The following TAFA5 variants were observed in gnomAD, a reference collection of about 807,000 sequenced individuals.
The protein encoded by TAFA5 is chemokine-like protein TAFA-5.
TAFA5 carries 6 observed loss-of-function variants against 15.3 expected under a neutral mutation model. The ratio of observed to expected loss-of-function variants is 0.39; its 90% CI spans 0.21 to 0.77. TAFA5 has a LOEUF of 0.77. Ranked by LOEUF, TAFA5 falls within the 30% of genes least tolerant of loss-of-function variation. The pLI, the probability that TAFA5 is intolerant of heterozygous loss-of-function variation, is 0.41. For missense variants in TAFA5, 161 were observed against 193.1 expected (o/e 0.83, Z 0.98); for synonymous variants, 103 against 80.7 (o/e 1.28, Z -1.48).
intron 3 of TAFA5, among the ~76,000 whole-genome samples, chr22:48,723,544 C>T (rs181897382): frequency 3.0e-4 from 46 of 152,308 alleles, no homozygotes; most frequent in African/African-American, 1.1e-3. Flanking sequence ...CTGTGTGCCT[C>T]CCAGACTGAC....
intron 1 of TAFA5, among the ~76,000 whole-genome samples, chr22:48,588,650 C>T (rs1387487271): frequency 6.6e-6 from 1 of 152,098 alleles, no homozygotes; most frequent in Non-Finnish European, 1.5e-5. Context: ...CGGGGACCTG[C>T]GGGGATGGGG....
At chr22:48,564,364 G>A (rs1923340616) in intron 1 of TAFA5, among the ~76,000 whole-genome samples, 1 of 152,232 alleles carries the variant, frequency 6.6e-6, no homozygotes, top group African/African-American at 2.4e-5. Context: ...CCTGAGTTGG[G>A]ACGAAGGGAC....
intron 2 of TAFA5, among the ~76,000 whole-genome samples, chr22:48,667,104 T>C (rs1012003565): frequency 2.0e-5 from 3 of 151,946 alleles, no homozygotes; most frequent in African/African-American, 4.8e-5. Flanking sequence ...ACCCCGACCC[T>C]CACCCCTCCC....
At chr22:48,664,734 C>T (rs935990219) in intron 2 of TAFA5, among the ~76,000 whole-genome samples, 2 of 152,114 alleles carry the variant, frequency 1.3e-5, no homozygotes, top group African/African-American at 4.8e-5. Context: ...TCCTTTCCCT[C>T]GTTACGTCTG....
chr22:48,604,194 T>A (rs561561654), intron 1 of TAFA5, among the ~76,000 whole-genome samples: 1 of 152,180 alleles, frequency 6.6e-6, no homozygotes, highest in Non-Finnish European at 1.5e-5. Context: ...GCTGGGCCCC[T>A]CTTGGCCACA....
intron 3 of TAFA5, among the ~76,000 whole-genome samples, chr22:48,728,783 T>C (rs2147265618): frequency 6.6e-6 from 1 of 152,314 alleles, no homozygotes; most frequent in African/African-American, 2.4e-5. Context: ...AAAGAAATAT[T>C]AATGAATTTT....
intron 2 of TAFA5, among the ~76,000 whole-genome samples, chr22:48,653,490 G>T (rs1927129266): frequency 6.6e-6 from 1 of 152,214 alleles, no homozygotes; most frequent in South Asian, 2.1e-4. Flanking sequence ...GTTGTTTCAG[G>T]GAGGAGCTGA....
At chr22:48,603,913 G>A (rs1438968915) in intron 1 of TAFA5, among the ~76,000 whole-genome samples, 3 of 152,140 alleles carry the variant, frequency 2.0e-5, no homozygotes, top group African/African-American at 4.8e-5. Flanking sequence ...TGAATGGGGG[G>A]CAGTGGTCAG....
intron 1 of TAFA5, among the ~76,000 whole-genome samples, chr22:48,491,266 A>G (rs1928145110): frequency 6.6e-6 from 1 of 152,148 alleles, no homozygotes; most frequent in Admixed American, 6.5e-5. Flanking sequence ...ATTCCCTAGA[A>G]GATCCCCAAG....
intron 2 of TAFA5, among the ~76,000 whole-genome samples, chr22:48,685,919 C>T (rs1928338302): frequency 6.6e-6 from 1 of 151,908 alleles, no homozygotes; most frequent in South Asian, 2.1e-4. Flanking sequence ...ACACAGGCCC[C>T]ACGTGCGCCC....
At chr22:48,609,314 G>A (rs1054223254) in intron 1 of TAFA5, among the ~76,000 whole-genome samples, 3 of 152,232 alleles carry the variant, frequency 2.0e-5, no homozygotes, top group Admixed American at 1.3e-4. Context: ...AAGTTTCTGA[G>A]TTAAGAGACC....
At position 48,750,107 on chromosome 22, in the gene TAFA5, G is replaced by A. The variant is rs935704204; in HGVS notation, c.*260G>A. On this transcript the variant is annotated 3_prime_UTR_variant, in exon 4 of 4. Coordinates refer to ENST00000402357, the MANE Select transcript of TAFA5 (RefSeq NM_001082967.3). Reference sequence around the variant, plus strand: ...AGCAATACGCAGTCTGTGGGAGCCCGGCCGCGCCCAGCCCCCGCCGACCGT... The same window carrying A: ...AGCAATACGCAGTCTGTGGGAGCCCAGCCGCGCCCAGCCCCCGCCGACCGT... 5 of 538,610 alleles carry A rather than the reference G, an allele frequency of 9.3e-6. No homozygotes were observed. The highest frequency in any genetic ancestry group is 3.4e-5 in the Admixed American group (1 of 29,664). 33.4% of individuals were successfully genotyped at this position (538,610 alleles called of 1,614,324 possible).
chr22:48,644,426 C>T (rs549898981), intron 1 of TAFA5, among the ~76,000 whole-genome samples: 40 of 152,366 alleles, frequency 2.6e-4, no homozygotes, highest in African/African-American at 9.4e-4. Context: ...GCACCTTGGA[C>T]AGCTCCATGC....
At chr22:48,692,915 G>C (rs1424475676) in intron 2 of TAFA5, among the ~76,000 whole-genome samples, 2 of 152,244 alleles carry the variant, frequency 1.3e-5, no homozygotes, top group Non-Finnish European at 2.9e-5. Context: ...GGCCACCTCA[G>C]GGATGGGGCA....
At chr22:48,585,856 C>G (rs1924337998) in intron 1 of TAFA5, among the ~76,000 whole-genome samples, 1 of 152,176 alleles carries the variant, frequency 6.6e-6, no homozygotes, top group South Asian at 2.1e-4. Context: ...CCAAGACACA[C>G]ACACACAAAC....
Position 48,692,614 on chromosome 22 carries a change from G to A in TAFA5, c.263-15103G>A, listed in dbSNP as rs745335146. On this transcript the variant is annotated intron_variant, in intron 2 of 3. Coordinates refer to ENST00000402357, the MANE Select transcript of TAFA5 (RefSeq NM_001082967.3). Reference sequence around the variant, plus strand: ...AGTCATAGCCTGACAGTCTGATGAAGGTTAAGGATATGAAATGAATCCCAT... The same window carrying A: ...AGTCATAGCCTGACAGTCTGATGAAAGTTAAGGATATGAAATGAATCCCAT... Among the ~76,000 whole-genome samples, 36 of 152,178 alleles carry A rather than the reference G, an allele frequency of 2.4e-4. 1 individual carries two copies. The highest frequency in any genetic ancestry group is 2.4e-3 in the Admixed American group (36 of 15,278).
intron 1 of TAFA5, among the ~76,000 whole-genome samples, chr22:48,536,077 G>T (rs889712961): frequency 2.0e-5 from 3 of 152,244 alleles, no homozygotes; most frequent in African/African-American, 7.2e-5. Context: ...GCTTGGTGCC[G>T]CATGCAGCGA....
At chr22:48,619,398 C>T (rs1925725484) in intron 1 of TAFA5, among the ~76,000 whole-genome samples, 1 of 152,234 alleles carries the variant, frequency 6.6e-6, no homozygotes, top group Non-Finnish European at 1.5e-5. Context: ...CTCTGTCGCC[C>T]AGGCTGGAGT....
intron 1 of TAFA5, among the ~76,000 whole-genome samples, chr22:48,605,420 A>ATGG (rs201199287): frequency 1.9e-4 from 22 of 113,390 alleles, no homozygotes; most frequent in South Asian, 1.4e-3. Flanking sequence ...GATGGTGAGG[A>ATGG]TGGTGGTGGT....
Sources: allele counts gnomAD v4.1 joint callset (sites outside exome capture counted in the v4.1 genomes callset), GRCh38; gene constraint gnomAD v4.1.1; transcripts MANE v1.5; gene names NCBI Gene and HGNC (gene_info 2026-07-23, HGNC 2026-07-21).